CATSPER1: variants seen among roughly 807,000 people sequenced by gnomAD.
The protein encoded by CATSPER1 is cation channel sperm associated 1, also known as cation channel sperm-associated protein 1.
A neutral mutation model predicts 72.7 loss-of-function variants in CATSPER1; 57 were observed. That is an observed-to-expected ratio of 0.78 (90% CI 0.63 to 0.98). CATSPER1 has a LOEUF of 0.98. Among genes scored for constraint, CATSPER1 ranks in the 50% least tolerant of loss-of-function variants. The probability of loss-of-function intolerance (pLI) is 0.00; values close to 1 mark genes in which losing one functional copy is unlikely to be tolerated. For synonymous variants in CATSPER1, 363 were observed against 403.0 expected, an observed-to-expected ratio of 0.90 and a Z score of 1.19; for missense variants, 910 against 1,033.9, an observed-to-expected ratio of 0.88 and a Z score of 1.64.
At chr11:66,016,972 A>G in intron 11 of CATSPER1, 56 bp from the exon 12 acceptor site, 2 of 1,613,472 alleles carry the variant, frequency 1.2e-6, no homozygotes, top group South Asian at 1.1e-5. Context: ...GCCTTCCCCG[A>G]TCCCCATGGG....
Position 66,020,475 on chromosome 11 carries a change from G to A in CATSPER1, c.1992-86C>T. On this transcript the variant is annotated intron_variant, in intron 7 of 11. Transcript: ENST00000312106. The surrounding 1 kb of genome is among the most constrained non-coding windows in gnomAD (Gnocchi z 4.5). ...ACTTCTTGTGGGTTCAGCGTGGCATGACCAGGGTGAGAGGGCTGGGGTAAG... is the reference window on the plus strand; with the variant it reads ...ACTTCTTGTGGGTTCAGCGTGGCATAACCAGGGTGAGAGGGCTGGGGTAAG... 1.2e-6 allele frequency: 2 copies of A among 1,600,116 alleles called. No homozygotes were observed. The highest frequency in any genetic ancestry group is 1.1e-5 in the South Asian group (1 of 90,772).
intron 2 of CATSPER1, among the ~76,000 whole-genome samples, 196 bp downstream of exon 2, chr11:66,022,653 G>C (rs1162975846): frequency 1.3e-5 from 2 of 152,390 alleles, no homozygotes; most frequent in African/African-American, 4.8e-5. Context: ...CCGCCTAGCG[G>C]GTCCTTCTGT....
Position 66,017,166 on chromosome 11 carries a change from T to G in CATSPER1, c.2210A>C (p.Glu737Ala). 7 of 628,692 alleles carry G rather than the reference T, an allele frequency of 1.1e-5. No individual in the cohort carries two copies. The highest frequency in any genetic ancestry group is 5.4e-5 in the East Asian group (1 of 18,394). 38.9% of individuals were successfully genotyped at this position (628,692 alleles called of 1,614,324 possible). Residue 737 changes from glutamate (E) to alanine (A), a missense_variant, in exon 11 of 12, where the codon GAG (glutamate) becomes GCG (alanine). Physicochemically the swap from Glu to Ala is moderately radical, Grantham distance 107 (BLOSUM62 -1). Transcript: ENST00000312106. ...CAGCTGCAGGTAATGGAACAGGAGC[T>G]CCTGCTGCCTGCGGGTGGGCGGGGG... is the stretch of plus-strand genomic sequence containing the variant. ...KFGTMTEKQQ[E>A]LLFHYLQLVA...
chr11:66,016,993 A>C (rs1436770149), intron 11 of CATSPER1, 67 bp downstream of exon 11: 23 of 1,612,696 alleles, frequency 1.4e-5, no homozygotes, highest in Non-Finnish European at 3.4e-6. Context: ...AGTTACTTGG[A>C]GCCATTTCTG....
chr11:66,019,343 C>T (rs1856306708), intron 9 of CATSPER1, among the ~76,000 whole-genome samples: 1 of 151,926 alleles, frequency 6.6e-6, no homozygotes, highest in East Asian at 1.9e-4. Context: ...GTGGCACAAC[C>T]TTGGCTCACT....
At chr11:66,023,180 C>T in intron 1 of CATSPER1, 119 bp from the exon 2 acceptor site, 1 of 1,012,916 alleles carries the variant, frequency 9.9e-7, no homozygotes, top group South Asian at 1.3e-5. Flanking sequence ...CCCTCTGCCT[C>T]CCGGGTTCAA....
chr11:66,017,193 G>GGCCC lies in CATSPER1; in HGVS notation c.2202-20_2202-19insGGGC. On this transcript the variant is annotated intron_variant, in intron 10 of 11. Transcript: ENST00000312106. ...CTGCTGCCTGCGGGTGGGCGGGGGG[G>GGCCC]TCGCAGAGACAGGGGCTGGGCTGAC... 4 of 493,786 alleles carry GGCCC rather than the reference G, an allele frequency of 8.1e-6. No individual in the cohort carries two copies. The highest frequency in any genetic ancestry group is 1.6e-5 in the South Asian group (1 of 64,082). 30.6% of individuals were successfully genotyped at this position (493,786 alleles called of 1,614,324 possible).
Position 66,017,194 on chromosome 11 carries a change from T to TGGGGGGGGGGGGGGGGGGGGGGCCC in CATSPER1, c.2202-21_2202-20insGGGCCCCCCCCCCCCCCCCCCCCCC. 5.5e-6 allele frequency: 3 copies of TGGGGGGGGGGGGGGGGGGGGGGCCC among 550,210 alleles called. No individual in the cohort carries two copies. Among genetic ancestry groups the TGGGGGGGGGGGGGGGGGGGGGGCCC allele is most frequent in the Non-Finnish European group, 1.0e-5 (3 of 295,814 alleles). 34.1% of individuals were successfully genotyped at this position (550,210 alleles called of 1,614,324 possible). ...TGCTGCCTGCGGGTGGGCGGGGGGG[T>TGGGGGGGGGGGGGGGGGGGGGGCCC]CGCAGAGACAGGGGCTGGGCTGACC... On this transcript the variant is annotated intron_variant, in intron 10 of 11. Transcript: ENST00000312106.
intron 9 of CATSPER1, among the ~76,000 whole-genome samples, 181 bp from the exon 10 acceptor site, chr11:66,019,083 C>T (rs1441083223): frequency 6.6e-6 from 1 of 152,102 alleles, no homozygotes; most frequent in African/African-American, 2.4e-5. Context: ...ACCCACCCCA[C>T]TTCTGGAAGA....
At chr11:66,016,937 C>A in intron 11 of CATSPER1, 21 bp from the exon 12 acceptor site, 1 of 1,614,096 alleles carries the variant, frequency 6.2e-7, no homozygotes, top group Non-Finnish European at 8.5e-7. Context: ...GAGTGGGGCA[C>A]TGGTGGGTGA....
chr11:66,018,452 C>A (rs1212050598), intron 10 of CATSPER1, among the ~76,000 whole-genome samples: 1 of 152,122 alleles, frequency 6.6e-6, no homozygotes, highest in East Asian at 1.9e-4. Flanking sequence ...CTCCACTTGG[C>A]TGAAGTCTAC....
In CATSPER1 at chr11:66,025,119, C is replaced by T. The variant is rs372749915; in HGVS notation, c.1216+45G>A. ...GGGCCGAGATCAGGTCTGGATCCTG[C>T]GCCAGGCAGCAGGAGTTGGCATGGG... is the stretch of plus-strand genomic sequence containing the variant. On this transcript the variant is annotated intron_variant, in intron 1 of 11. Coordinates refer to ENST00000312106, the MANE Select transcript of CATSPER1 (RefSeq NM_053054.4). The T allele has an allele frequency of 1.6e-5, 26 of 1,612,744 alleles. 1 individual carries two copies. Among genetic ancestry groups the T allele is most frequent in the African/African-American group, 8.0e-5 (6 of 74,902 alleles).
At chr11:66,021,666 C>T in intron 3 of CATSPER1, 23 bp from the exon 4 acceptor site, 1 of 1,605,822 alleles carries the variant, frequency 6.2e-7, no homozygotes, top group Non-Finnish European at 8.5e-7. Flanking sequence ...GGTGCCTGAG[C>T]CTGGCGGGCT....
intron 11 of CATSPER1, 38 bp downstream of exon 11, chr11:66,017,022 T>TC: frequency 6.2e-7 from 1 of 1,612,664 alleles, no homozygotes; most frequent in East Asian, 2.2e-5. Flanking sequence ...CCCCTGGGGT[T>TC]CCCCTCGCCG....
Position 66,025,362 on chromosome 11 carries a change from C to T in CATSPER1, c.1018G>A (p.Gly340Ser), listed in dbSNP as rs756897029. The T allele has an allele frequency of 3.0e-5, 49 of 1,613,908 alleles. No individual in the cohort carries two copies. Among genetic ancestry groups the T allele is most frequent in the Non-Finnish European group, 3.9e-5 (46 of 1,180,016 alleles). Residue 340 changes from glycine (G) to serine (S), a missense_variant, in exon 1 of 12, where the codon GGC becomes AGC. Transcript: ENST00000312106. ...ACTCCTGTACGAGAAGCAGCAGGGC[C>T]GGGGGCATCGTGAATCAGGCTCCGG... is the stretch of plus-strand genomic sequence containing the variant. ...TSRSLIHDAPGPAASRTGVFP... is the reference protein window; with the variant it reads ...TSRSLIHDAPSPAASRTGVFP...
chr11:66,022,767 G>C, intron 2 of CATSPER1, 82 bp downstream of exon 2: 1 of 1,399,006 alleles, frequency 7.1e-7, no homozygotes, highest in East Asian at 2.3e-5. Flanking sequence ...CCTATAAACC[G>C]CCCGGCACTG....
chr11:66,025,560 G>T lies in CATSPER1; in HGVS notation c.820C>A (p.Pro274Thr). ...HSEYHQGDHH[P>T]SEYHHGDHPH... ...TGGTCGCCATGGTGGTACTCACTGG[G>T]GTGGTGATCACCTTGGTGGTACTCG... The change falls in exon 1 of 12, where the codon CCC (proline) becomes ACC (threonine). Residue 274 changes from proline to threonine, a missense_variant. Coordinates refer to ENST00000312106, the MANE Select transcript of CATSPER1 (RefSeq NM_053054.4). 6.2e-7 allele frequency: 1 copy of T among 1,603,552 alleles called. No homozygotes were observed. Among genetic ancestry groups the T allele is most frequent in the Non-Finnish European group, 8.5e-7 (1 of 1,175,172 alleles).
In CATSPER1 at chr11:66,020,149, T is replaced by C; in HGVS notation, c.2116A>G (p.Arg706Gly). 1 of 1,613,228 alleles carries C rather than the reference T, an allele frequency of 6.2e-7. No individual in the cohort carries two copies. The highest frequency in any genetic ancestry group is 8.5e-7 in the Non-Finnish European group (1 of 1,180,016). ...CGGGCCAGGCCCATACCTGCAGCTCTGAGCTCCGTCAGTGAGTCTTCCAGC... is the reference window on the plus strand; with the variant it reads ...CGGGCCAGGCCCATACCTGCAGCTCCGAGCTCCGTCAGTGAGTCTTCCAGC... ...KLLEDSLTEL[R>G]AAEPKEVASE... Residue 706 changes from arginine to glycine, a missense_variant, in exon 9 of 12, where the codon AGA becomes GGA. Transcript: ENST00000312106. This position sits in a 1 kb window ranked among gnomAD's most constrained non-coding sequence, Gnocchi z 4.5.
At chr11:66,019,740 TAC>T (rs368528079) in intron 9 of CATSPER1, among the ~76,000 whole-genome samples, 1 of 151,276 alleles carries the variant, frequency 6.6e-6, no homozygotes, top group Non-Finnish European at 1.5e-5. Context: ...TACTAAAAAA[TAC>T]ACACACACAC....
Sources: gnomAD v4.1 joint callset for allele counts (sites outside exome capture counted in the v4.1 genomes callset) on GRCh38, gnomAD v4.1.1 for gene constraint, Gnocchi (gnomAD v3.1) non-coding constraint, MANE v1.5 for transcripts, NCBI Gene and HGNC (gene_info 2026-07-23, HGNC 2026-07-21) for gene names.